EFHD1: variants seen among roughly 807,000 people sequenced by gnomAD.
EFHD1 encodes the protein EF-hand domain-containing protein D1.
In EFHD1, 10 loss-of-function variants were observed where a neutral mutation model predicts 17.2. That is an observed-to-expected ratio of 0.58 (90% CI 0.36 to 0.99). The LOEUF (loss-of-function observed/expected upper bound fraction) is 0.99, where lower values mean the gene tolerates loss of function less well. EFHD1 is among the 50% of genes least tolerant of loss of function. The pLI is 0.01. For synonymous variants in EFHD1, 153 were observed against 142.0 expected, an observed-to-expected ratio of 1.08 and a Z score of -0.55; for missense variants, 310 against 327.5, an observed-to-expected ratio of 0.95 and a Z score of 0.41.
chr2:232,621,512 G>A lies in EFHD1; in HGVS notation c.14+15339G>A, dbSNP rs1694017625. On this transcript the variant is annotated intron_variant, in intron 1 of 3. Transcript: ENST00000409613. ...CTGTCGCCCAGGCTAGAGTGCAGTG[G>A]CGCAATCTCAGCTCACTGCAACCTC... Among the ~76,000 whole-genome samples the A allele has an allele frequency of 2.0e-5, 3 of 152,078 alleles. No individual in the cohort carries two copies. The South Asian group carries it at 6.2e-4, about 32-fold the overall frequency.
intron 1 of EFHD1, among the ~76,000 whole-genome samples, chr2:232,635,349 T>C (rs1694298459): frequency 6.6e-6 from 1 of 152,156 alleles, no homozygotes; most frequent in African/African-American, 2.4e-5. Context: ...GGGACCTTTA[T>C]CTTCAAGTTT....
intron 1 of EFHD1, among the ~76,000 whole-genome samples, chr2:232,628,381 A>G (rs1419620747): frequency 6.6e-6 from 1 of 152,198 alleles, no homozygotes; most frequent in Non-Finnish European, 1.5e-5. Flanking sequence ...ATGCTTAACA[A>G]TGTTTATAAA....
intron 1 of EFHD1, among the ~76,000 whole-genome samples, chr2:232,608,995 G>A (rs1693765858): frequency 6.6e-6 from 1 of 150,432 alleles, no homozygotes; most frequent in Non-Finnish European, 1.5e-5. Flanking sequence ...ACATTTGAAT[G>A]GATGAATCTC....
intron 2 of EFHD1, among the ~76,000 whole-genome samples, chr2:232,664,807 G>A (rs1694940910): frequency 6.6e-6 from 1 of 150,690 alleles, no homozygotes; most frequent in Non-Finnish European, 1.5e-5. Flanking sequence ...TAGAGACGGG[G>A]TTTCACCATG....
chr2:232,629,704 G>A (rs1200340519), upstream of EFHD1, among the ~76,000 whole-genome samples: 1 of 151,726 alleles, frequency 6.6e-6, no homozygotes, highest in Admixed American at 6.6e-5. Context: ...CCTGACCTCA[G>A]GTGATCCACC....
At chr2:232,638,103 C>T (rs1475142497) in intron 1 of EFHD1, 2 of 246,484 alleles carry the variant, frequency 8.1e-6, no homozygotes, top group East Asian at 9.1e-5. Context: ...AGAATAGTGG[C>T]CTGATTTTAA....
At chr2:232,627,041 T>TCTCC (rs1391860644) in intron 1 of EFHD1, among the ~76,000 whole-genome samples, 142 of 82,186 alleles carry the variant, frequency 1.7e-3, no homozygotes, top group Admixed American at 2.7e-3. Context: ...TCTCTCTATA[T>TCTCC]ATATATATAT....
At chr2:232,638,784 C>T (rs1694368623) in intron 1 of EFHD1, among the ~76,000 whole-genome samples, 1 of 152,216 alleles carries the variant, frequency 6.6e-6, no homozygotes, top group African/African-American at 2.4e-5. Context: ...GCAAGAGGTA[C>T]TGACTTGTCC....
chr2:232,630,950 G>A (rs558376068), upstream of EFHD1, among the ~76,000 whole-genome samples: 1 of 152,158 alleles, frequency 6.6e-6, no homozygotes, highest in South Asian at 2.1e-4. Flanking sequence ...TACTGGCCGG[G>A]CACAGTAGCT....
In EFHD1 at chr2:232,633,925, G is replaced by C; in HGVS notation, c.221G>C (p.Arg74Pro). The C allele has an allele frequency of 2.5e-6, 4 of 1,590,648 alleles. No individual in the cohort carries two copies. Among genetic ancestry groups the C allele is most frequent in the Non-Finnish European group, 3.4e-6 (4 of 1,176,524 alleles). The change falls in exon 1 of 4, where the codon CGC becomes CCC. Residue 74 changes from arginine to proline, a missense_variant. Coordinates refer to ENST00000264059, the MANE Select transcript of EFHD1 (RefSeq NM_025202.4). Reference sequence around the variant, plus strand: ...AACGAGGGCGCTGCGCGGCCCCGGCGCTGCAGGGTCTTCAACCCCTACACG... The same window carrying C: ...AACGAGGGCGCTGCGCGGCCCCGGCCCTGCAGGGTCTTCAACCCCTACACG... Reference protein sequence around the residue: ...DINEGAARPRRCRVFNPYTEF... With the variant: ...DINEGAARPRPCRVFNPYTEF...
At chr2:232,607,303 G>A (rs890443452) in intron 1 of EFHD1, among the ~76,000 whole-genome samples, 3 of 151,652 alleles carry the variant, frequency 2.0e-5, no homozygotes, top group South Asian at 2.1e-4. Context: ...TTAGCCGGTC[G>A]GGCTGGGCGC....
intron 1 of EFHD1, among the ~76,000 whole-genome samples, chr2:232,615,802 C>T (rs908008730): frequency 8.6e-5 from 13 of 151,424 alleles, no homozygotes; most frequent in Non-Finnish European, 1.3e-4. Context: ...ATTCTCCTGC[C>T]TCAGTCTCCC....
intron 2 of EFHD1, among the ~76,000 whole-genome samples, chr2:232,669,512 A>ATGATACTCAAGTGAGGATT (rs1161990740): frequency 6.6e-6 from 1 of 151,956 alleles, no homozygotes; most frequent in Non-Finnish European, 1.5e-5. Flanking sequence ...CTCGGCAGTA[A>ATGATACTCAAGTGAGGATT]TGATACTCAA....
At chr2:232,606,176 A>C in intron 1 of EFHD1, 2 of 1,540,996 alleles carry the variant, frequency 1.3e-6, no homozygotes, top group South Asian at 2.4e-5. Context: ...GAGTTGCAGT[A>C]AGTGCTCTTT....
intron 1 of EFHD1, among the ~76,000 whole-genome samples, chr2:232,612,994 A>C (rs543197858): frequency 1.3e-5 from 2 of 151,770 alleles, no homozygotes; most frequent in African/African-American, 4.8e-5. Flanking sequence ...TAGCCTCCCA[A>C]AGTGCTGGGA....
At chr2:232,640,551 A>G (rs1694409803) in intron 1 of EFHD1, among the ~76,000 whole-genome samples, 1 of 152,258 alleles carries the variant, frequency 6.6e-6, no homozygotes, top group East Asian at 1.9e-4. Flanking sequence ...TTAGCTAAGC[A>G]CCTGCCAGGT....
chr2:232,623,693 AAGAAGAAG>A (rs1411374096), intron 1 of EFHD1, among the ~76,000 whole-genome samples: 33 of 90,578 alleles, frequency 3.6e-4, no homozygotes, highest in African/African-American at 7.2e-4. Flanking sequence ...AAAAAAAAAA[AAGAAGAAG>A]AAGAAGAAGA....
intron 1 of EFHD1, among the ~76,000 whole-genome samples, chr2:232,657,893 TC>T: frequency 1.5e-5 from 2 of 137,250 alleles, no homozygotes; most frequent in African/African-American, 5.2e-5. Context: ...CATTTTTCTT[TC>T]TTTTCTTTTT....
At chr2:232,635,534 G>C (rs1161330201) in intron 1 of EFHD1, among the ~76,000 whole-genome samples, 2 of 152,108 alleles carry the variant, frequency 1.3e-5, no homozygotes, top group Non-Finnish European at 2.9e-5. Context: ...TCACGCAAAG[G>C]GGAGCCGGGC....
Sources: allele counts gnomAD v4.1 joint callset (sites outside exome capture counted in the v4.1 genomes callset), GRCh38; gene constraint gnomAD v4.1.1; transcripts MANE v1.5; gene names NCBI Gene and HGNC (gene_info 2026-07-23, HGNC 2026-07-21).